Variants in RAP1A observed in about 807,000 individuals in gnomAD.
The protein encoded by RAP1A is RAP1A, member of RAS oncogene family.
In RAP1A, 6 loss-of-function variants were observed where a neutral mutation model predicts 26.4. The ratio of observed to expected loss-of-function variants is 0.23; its 90% CI spans 0.12 to 0.45. The LOEUF is 0.45. Ranked by LOEUF, RAP1A falls within the 20% of genes least tolerant of loss-of-function variation. The pLI is 0.99. For missense variants in RAP1A, 121 were observed against 217.2 expected (o/e 0.56, Z 2.78); for synonymous variants, 73 against 79.4 (o/e 0.92, Z 0.43).
At chr1:111,627,908 G>T (rs1485624276) in intron 1 of RAP1A, among the ~76,000 whole-genome samples, 2 of 151,354 alleles carry the variant, frequency 1.3e-5, no homozygotes, top group Admixed American at 6.6e-5. Flanking sequence ...GATGAGGGGG[G>T]TAGTCACATG....
At chr1:111,608,763 TGGC>T (rs1658864887) in intron 1 of RAP1A, 1 of 158,034 alleles carries the variant, frequency 6.3e-6, no homozygotes, top group Non-Finnish European at 1.4e-5. Flanking sequence ...CAGTGAGGCG[TGGC>T]GTCGCGCGCC....
intron 1 of RAP1A, among the ~76,000 whole-genome samples, chr1:111,601,158 G>A (rs911748858): frequency 2.6e-5 from 4 of 152,172 alleles, no homozygotes; most frequent in African/African-American, 9.7e-5. Flanking sequence ...CATTAACCTC[G>A]ATGACAATGT....
chr1:111,551,692 T>TGTA (rs1657263641), intron 1 of RAP1A, among the ~76,000 whole-genome samples: 1 of 152,190 alleles, frequency 6.6e-6, no homozygotes, highest in South Asian at 2.1e-4. Flanking sequence ...TATTTATCTA[T>TGTA]GTAGTTATCA....
chr1:111,613,424 C>G (rs1658961369), intron 1 of RAP1A, among the ~76,000 whole-genome samples: 1 of 152,178 alleles, frequency 6.6e-6, no homozygotes, highest in South Asian at 2.1e-4. Context: ...TGGTCTCGAT[C>G]TCCTGACCTC....
chr1:111,676,576 T>C (rs1375984640), intron 1 of RAP1A, among the ~76,000 whole-genome samples: 1 of 152,132 alleles, frequency 6.6e-6, no homozygotes, highest in African/African-American at 2.4e-5. Context: ...GATTTACATG[T>C]AATAAAATGT....
intron 1 of RAP1A, among the ~76,000 whole-genome samples, chr1:111,653,420 G>C (rs1660340318): frequency 6.6e-6 from 1 of 152,090 alleles, no homozygotes; most frequent in African/African-American, 2.4e-5. Flanking sequence ...GGTGGCTCAC[G>C]CCTGTAATCC....
At chr1:111,653,019 C>T (rs1660323369) in intron 1 of RAP1A, among the ~76,000 whole-genome samples, 1 of 152,114 alleles carries the variant, frequency 6.6e-6, no homozygotes, top group Non-Finnish European at 1.5e-5. Flanking sequence ...CCCAAATGTC[C>T]ATCAACTGAT....
At chr1:111,674,626 TA>T (rs1175655530) in intron 1 of RAP1A, among the ~76,000 whole-genome samples, 1 of 152,218 alleles carries the variant, frequency 6.6e-6, no homozygotes, top group Non-Finnish European at 1.5e-5. Flanking sequence ...AAGAAAGTAT[TA>T]TCTTTCTTTT....
chr1:111,571,414 G>T (rs1328379296), intron 1 of RAP1A, among the ~76,000 whole-genome samples: 1 of 152,152 alleles, frequency 6.6e-6, no homozygotes, highest in Non-Finnish European at 1.5e-5. Flanking sequence ...TGAAAGTTCA[G>T]CCTTTCTGGT....
In RAP1A at chr1:111,586,077, C is replaced by G. The variant is rs774232992; in HGVS notation, c.-28+43568C>G. 1.5e-4 allele frequency among the ~76,000 whole-genome samples: 23 copies of G among 152,162 alleles called. 1 individual carries two copies. The highest frequency in any genetic ancestry group is 2.6e-4 in the Admixed American group (4 of 15,272). On this transcript the variant is annotated intron_variant, in intron 1 of 7. Coordinates refer to the RAP1A transcript ENST00000356415. ...TCCCATAAAACTCTTGATTCTTGTTCTTTTCAGAATAATATATGGAACTGC... is the reference window on the plus strand; with the variant it reads ...TCCCATAAAACTCTTGATTCTTGTTGTTTTCAGAATAATATATGGAACTGC...
intron 1 of RAP1A, among the ~76,000 whole-genome samples, chr1:111,571,110 C>T (rs562687873): frequency 1.3e-5 from 2 of 152,210 alleles, no homozygotes; most frequent in Admixed American, 6.5e-5. Flanking sequence ...ATGACTCCCC[C>T]TCAGGTTTAA....
At chr1:111,691,296 A>G (rs931359315) in intron 1 of RAP1A, 38 bp from the exon 2 acceptor site, 1 of 1,446,332 alleles carries the variant, frequency 6.9e-7, no homozygotes, top group Non-Finnish European at 9.7e-7. Flanking sequence ...GACTGTTAGC[A>G]TGTTTCTTAA....
At chr1:111,642,118 G>A (rs1394810830) in intron 1 of RAP1A, among the ~76,000 whole-genome samples, 1 of 152,118 alleles carries the variant, frequency 6.6e-6, no homozygotes. Context: ...GGTGGTGCAT[G>A]CCTGTAATCC....
intron 1 of RAP1A, among the ~76,000 whole-genome samples, chr1:111,659,849 C>T (rs920985322): frequency 6.6e-6 from 1 of 152,122 alleles, no homozygotes; most frequent in African/African-American, 2.4e-5. Context: ...TATAACATAG[C>T]ACTTCATGGG....
chr1:111,566,439 T>A (rs1657919523), intron 1 of RAP1A, among the ~76,000 whole-genome samples: 1 of 152,132 alleles, frequency 6.6e-6, no homozygotes, highest in South Asian at 2.1e-4. Flanking sequence ...AGCAAATGAC[T>A]ACTGCCCTCC....
intron 1 of RAP1A, among the ~76,000 whole-genome samples, chr1:111,579,888 C>G (rs917381922): frequency 2.5e-4 from 38 of 152,114 alleles, no homozygotes; most frequent in African/African-American, 8.0e-4. Flanking sequence ...CGGCTCACTG[C>G]AAGCGAGTCT....
intron 1 of RAP1A, among the ~76,000 whole-genome samples, chr1:111,662,958 A>C (rs1197315993): frequency 6.6e-6 from 1 of 152,172 alleles, no homozygotes; most frequent in Admixed American, 6.5e-5. Context: ...CTCTGTCGCC[A>C]GGCTGGAGCA....
chr1:111,702,796 G>A (rs1662064188), intron 4 of RAP1A, among the ~76,000 whole-genome samples: 1 of 152,180 alleles, frequency 6.6e-6, no homozygotes, highest in African/African-American at 2.4e-5. Context: ...CTGACCTGGG[G>A]TGATACACCT....
intron 1 of RAP1A, among the ~76,000 whole-genome samples, chr1:111,570,722 A>T (rs1658032651): frequency 6.6e-6 from 1 of 152,184 alleles, no homozygotes; most frequent in Non-Finnish European, 1.5e-5. Flanking sequence ...GGAAGCAAAC[A>T]TGTATGAAGA....
Sources: allele counts gnomAD v4.1 joint callset (sites outside exome capture counted in the v4.1 genomes callset), GRCh38; gene constraint gnomAD v4.1.1; transcripts MANE v1.5; gene names NCBI Gene and HGNC (gene_info 2026-07-23, HGNC 2026-07-21).